The following MGA variants were observed in gnomAD, a reference collection of about 807,000 sequenced individuals.
The protein encoded by MGA is MAX gene-associated protein.
Under a neutral mutation model 261.1 loss-of-function variants are expected in MGA, and 40 were observed. The observed-to-expected ratio is 0.15, with a 90% CI of 0.12 to 0.20. MGA has a LOEUF of 0.20. Ranked by LOEUF, MGA falls within the 10% of genes least tolerant of loss-of-function variation. The pLI, the probability that MGA is intolerant of heterozygous loss-of-function variation, is 1.00. For missense variants in MGA, 3,397 were observed against 3,630.5 expected (o/e 0.94, Z 1.65); for synonymous variants, 1,302 against 1,290.6 (o/e 1.01, Z -0.19).
At chr15:41,656,371 T>A (rs1295474812), upstream of MGA, among the ~76,000 whole-genome samples, 2 of 137,626 alleles carry the variant, frequency 1.5e-5, no homozygotes, top group Admixed American at 7.4e-5. Flanking sequence ...TCTCTCTCTC[T>A]CTCTCTCACA....
intron 1 of MGA, among the ~76,000 whole-genome samples, chr15:41,636,499 T>TG (rs2150583680): frequency 6.7e-6 from 1 of 149,370 alleles, no homozygotes; most frequent in African/African-American, 2.5e-5. Context: ...CTTGCTCTGT[T>TG]GCCCAGGCTG....
Position 41,749,541 on chromosome 15 carries a change from A to G in MGA, c.5934A>G (p.Lys1978=). 1 of 1,613,990 alleles carries G rather than the reference A, an allele frequency of 6.2e-7. No homozygotes were observed. The highest frequency in any genetic ancestry group is 8.5e-7 in the Non-Finnish European group (1 of 1,179,898). The change falls in exon 17 of 24, where the codon AAA becomes AAG. Residue 1978 remains lysine (K), a synonymous_variant. Coordinates refer to ENST00000219905, the MANE Select transcript of MGA (RefSeq NM_001164273.2). ...GAGAATCTCAGAATCCAGACCAGAA[A>G]GATGAAACAAACTCAATAAAAAGAG...
At chr15:41,697,152 G>C in intron 3 of MGA, 129 bp downstream of exon 3, 1 of 752,462 alleles carries the variant, frequency 1.3e-6, no homozygotes, top group Admixed American at 3.1e-5. Flanking sequence ...GGGGGGTGGA[G>C]TTGGGAGGGA....
At chr15:41,675,626 C>T (rs879437652) in intron 2 of MGA, among the ~76,000 whole-genome samples, 3 of 152,156 alleles carry the variant, frequency 2.0e-5, no homozygotes, top group Non-Finnish European at 4.4e-5. Flanking sequence ...ATCCTCCTAC[C>T]TCAGCCTCTG....
At position 41,766,061 on chromosome 15, in the gene MGA, A is replaced by T. The variant is rs1358043723; in HGVS notation, c.7979A>T (p.Glu2660Val). Residue 2660 changes from glutamate (E) to valine (V), a missense_variant, in exon 24 of 24, where the codon GAG becomes GTG. Glu to Val is a moderately radical substitution (Grantham distance 121). Around this residue, in one of 9 missense-constraint regions of MGA, gnomAD observed 647 missense variants for 642.4 expected, o/e 1.01. Transcript: ENST00000219905. ...GTTAATGTGACATCATTGGCCACAG[A>T]GGGAGGTTTGGTAGATATGGGTGGC... 3.7e-6 allele frequency: 6 copies of T among 1,613,788 alleles called. No homozygotes were observed. In the East Asian group the frequency reaches 1.3e-4, roughly 36 times the overall value.
At chr15:41,638,301 C>T (rs1469898840) in intron 1 of MGA, among the ~76,000 whole-genome samples, 1 of 151,882 alleles carries the variant, frequency 6.6e-6, no homozygotes, top group Non-Finnish European at 1.5e-5. Flanking sequence ...TCTCGGCCTC[C>T]CAAAGTGCTG....
At chr15:41,659,219 A>G (rs2057278993), upstream of MGA, among the ~76,000 whole-genome samples, 2 of 152,290 alleles carry the variant, frequency 1.3e-5, no homozygotes, top group South Asian at 2.1e-4. Flanking sequence ...GTTTCTGTCA[A>G]TGTTGTTGTA....
At position 41,669,308 on chromosome 15, in the gene MGA, T is replaced by C; in HGVS notation, c.414T>C (p.Asn138=). Residue 138 remains asparagine, a synonymous_variant, in exon 2 of 24, where the codon AAT becomes AAC. Transcript: ENST00000219905. ...TGGATAACCATCGTTATAAGTGGAA[T>C]GGTCGTTGGTGGGAACCTAGTGGGA... 1 of 1,614,046 alleles carries C rather than the reference T, an allele frequency of 6.2e-7. No homozygotes were observed. Among genetic ancestry groups the C allele is most frequent in the East Asian group, 2.2e-5 (1 of 44,888 alleles).
At chr15:41,663,175 T>C (rs8028886) in intron 1 of MGA, among the ~76,000 whole-genome samples, 107,684 of 151,934 alleles carry the variant, frequency 0.71, 40,268 homozygotes, top group East Asian at 0.89. Flanking sequence ...TTAGATTACT[T>C]ACCTAAAAAA....
intron 9 of MGA, among the ~76,000 whole-genome samples, chr15:41,713,794 G>A (rs1008188127): frequency 9.2e-5 from 14 of 152,228 alleles, no homozygotes; most frequent in East Asian, 1.9e-4. Flanking sequence ...TGGATTGTGC[G>A]CATGTGCACA....
At chr15:41,764,238 A>T (rs2063668189) in intron 22 of MGA, among the ~76,000 whole-genome samples, 1 of 148,900 alleles carries the variant, frequency 6.7e-6, no homozygotes, top group South Asian at 2.1e-4. Flanking sequence ...AGCCAAAAAA[A>T]ATCTGGTGTG....
intron 14 of MGA, among the ~76,000 whole-genome samples, chr15:41,741,843 C>T (rs1328073934): frequency 1.3e-5 from 2 of 151,986 alleles, no homozygotes; most frequent in African/African-American, 2.4e-5. Flanking sequence ...TCCTGAGTAG[C>T]TGGGATTACA....
At chr15:41,712,043 A>T (rs921713764) in intron 8 of MGA, among the ~76,000 whole-genome samples, 1 of 152,200 alleles carries the variant, frequency 6.6e-6, no homozygotes, top group East Asian at 1.9e-4. Flanking sequence ...ATTGAAAATT[A>T]AAAACCTCTG....
At chr15:41,760,209 C>A (rs1329277141) in intron 19 of MGA, 114 bp from the exon 20 acceptor site, 50 of 960,762 alleles carry the variant, frequency 5.2e-5, no homozygotes, top group Non-Finnish European at 8.0e-5. Flanking sequence ...GAGGCTGTTA[C>A]AACAGTCCAG....
Position 41,766,695 on chromosome 15 carries a change from C to T in MGA, c.8613C>T (p.Ser2871=). Residue 2871 remains serine (S), a synonymous_variant, in exon 24 of 24, where the codon AGC becomes AGT. Coordinates refer to ENST00000219905, the MANE Select transcript of MGA (RefSeq NM_001164273.2). ...TTATTAGTAAGGTTCCTCCTGGAAG[C>T]AGAGCAACTTTCCAGGTTGAGCACT... 1.2e-6 allele frequency: 2 copies of T among 1,613,970 alleles called. No homozygotes were observed. Among genetic ancestry groups the T allele is most frequent in the South Asian group, 1.1e-5 (1 of 91,080 alleles).
intron 1 of MGA, among the ~76,000 whole-genome samples, chr15:41,640,108 G>T (rs912700573): frequency 1.3e-5 from 2 of 152,176 alleles, no homozygotes; most frequent in African/African-American, 4.8e-5. Flanking sequence ...CTTTAAGAAT[G>T]AGGATGATTT....
intron 9 of MGA, among the ~76,000 whole-genome samples, chr15:41,725,991 T>G (rs1325502101): frequency 6.6e-6 from 1 of 152,206 alleles, no homozygotes; most frequent in Non-Finnish European, 1.5e-5. Context: ...CAAGTAAAAA[T>G]GCATATATTG....
At chr15:41,737,414 C>T (rs142685308) in intron 13 of MGA, among the ~76,000 whole-genome samples, 254 of 151,856 alleles carry the variant, frequency 1.7e-3, no homozygotes, top group African/African-American at 5.8e-3. Flanking sequence ...CTTGGCCTCC[C>T]AAAGTGCTAG....
chr15:41,744,403 C>G (rs2062311997), intron 15 of MGA, among the ~76,000 whole-genome samples: 1 of 152,044 alleles, frequency 6.6e-6, no homozygotes, highest in Non-Finnish European at 1.5e-5. Flanking sequence ...CGAGGTTTCT[C>G]CATTTTGGTC....
Sources: gnomAD v4.1 joint callset for allele counts (sites outside exome capture counted in the v4.1 genomes callset) on GRCh38, gnomAD v4.1.1 for gene constraint, gnomAD v4.1.1 regional missense constraint, MANE v1.5 for transcripts, NCBI Gene and HGNC (gene_info 2026-07-23, HGNC 2026-07-21) for gene names.